The following DPYSL2 variants were observed in gnomAD, a reference collection of about 807,000 sequenced individuals.
The protein encoded by DPYSL2 is dihydropyrimidinase like 2.
DPYSL2 carries 13 observed loss-of-function variants against 69.9 expected under a neutral mutation model. The ratio of observed to expected loss-of-function variants is 0.19; its 90% confidence interval spans 0.12 to 0.30. The LOEUF is 0.30. Ranked by LOEUF, DPYSL2 falls within the 10% of genes least tolerant of loss-of-function variation. The pLI is 1.00. For synonymous variants in DPYSL2, 326 were observed against 359.1 expected (o/e 0.91, Z 1.04); for missense variants, 587 against 918.9 (o/e 0.64, Z 4.67).
chr8:26,635,016 C>T, intron 8 of DPYSL2, 116 bp downstream of exon 8: 2 of 1,425,486 alleles, frequency 1.4e-6, no homozygotes, highest in South Asian at 1.4e-5. Flanking sequence ...CCACTTGCAC[C>T]ATGTTCTGGC....
intron 1 of DPYSL2, among the ~76,000 whole-genome samples, chr8:26,524,393 T>C (rs2117603507): frequency 6.6e-6 from 1 of 152,312 alleles, no homozygotes; most frequent in East Asian, 1.9e-4. Flanking sequence ...GTAGATGACA[T>C]TGGTAAACAA....
At chr8:26,561,986 C>T (rs1801078738) in intron 1 of DPYSL2, among the ~76,000 whole-genome samples, 1 of 152,192 alleles carries the variant, frequency 6.6e-6, no homozygotes, top group South Asian at 2.1e-4. Flanking sequence ...AATCAATTTC[C>T]AAATCTAGAG....
At chr8:26,575,287 C>A (rs1801309411) in intron 1 of DPYSL2, among the ~76,000 whole-genome samples, 1 of 152,158 alleles carries the variant, frequency 6.6e-6, no homozygotes, top group Non-Finnish European at 1.5e-5. Context: ...CTGTGCCCAG[C>A]CTCTCATTTA....
At chr8:26,578,308 T>C (rs757920948) in intron 1 of DPYSL2, 2 of 1,614,044 alleles carry the variant, frequency 1.2e-6, no homozygotes. Flanking sequence ...GTTTGGTACT[T>C]GGGAAATCTG....
chr8:26,625,551 T>A (rs1460606218), intron 4 of DPYSL2, among the ~76,000 whole-genome samples: 2 of 152,162 alleles, frequency 1.3e-5, no homozygotes, highest in Admixed American at 1.3e-4. Context: ...AAAATTGTGA[T>A]GAATGTTGGG....
chr8:26,638,428 C>CAAGAGAATCT, intron 8 of DPYSL2, among the ~76,000 whole-genome samples: 1 of 152,316 alleles, frequency 6.6e-6, no homozygotes, highest in African/African-American at 2.4e-5. Flanking sequence ...CCAAGACCTG[C>CAAGAGAATCT]TGGTCCAGAA....
rs535045570 is a variant in DPYSL2 at position 26,645,439 on chromosome 8, CTATTTTGTAG to C, written c.1425+1350_1425+1359del. On this transcript the variant is annotated intron_variant, in intron 10 of 13. Coordinates refer to ENST00000521913, the MANE Select transcript of DPYSL2 (RefSeq NM_001197293.3). The stretch of plus-strand genomic sequence containing the variant: ...AATAATAATATTGGCATCATACATA[CTATTTTGTAG>C]TCTTTTTTAAAAAAAATTTTATCAT... Among the ~76,000 whole-genome samples the C allele has an allele frequency of 3.1e-4, 47 of 152,058 alleles. 1 individual carries two copies. In the Middle Eastern group the frequency reaches 0.017, roughly 55 times the overall value.
chr8:26,561,859 C>T (rs1399491046), intron 1 of DPYSL2, among the ~76,000 whole-genome samples: 1 of 152,190 alleles, frequency 6.6e-6, no homozygotes, highest in African/African-American at 2.4e-5. Flanking sequence ...GTAATGCTGG[C>T]TCACTTGCTG....
At chr8:26,566,080 T>C (rs1801144999) in intron 1 of DPYSL2, among the ~76,000 whole-genome samples, 2 of 152,168 alleles carry the variant, frequency 1.3e-5, no homozygotes. Context: ...CAGATAGACA[T>C]GGAAGGACCC....
intron 1 of DPYSL2, among the ~76,000 whole-genome samples, chr8:26,545,172 A>G (rs1278373772): frequency 6.6e-6 from 1 of 152,246 alleles, no homozygotes; most frequent in Non-Finnish European, 1.5e-5. Flanking sequence ...CCTAACCACC[A>G]TATGCAGAAC....
intron 1 of DPYSL2, among the ~76,000 whole-genome samples, chr8:26,577,594 C>A (rs1453919095): frequency 6.7e-6 from 1 of 149,850 alleles, no homozygotes; most frequent in African/African-American, 2.4e-5. Context: ...CCCGCCGTCT[C>A]GGGGTGCCGC....
intron 1 of DPYSL2, among the ~76,000 whole-genome samples, chr8:26,550,829 C>T (rs1237000365): frequency 6.6e-6 from 1 of 152,136 alleles, no homozygotes; most frequent in Non-Finnish European, 1.5e-5. Context: ...CAGGCTGAAC[C>T]AAAGGCCTGA....
At chr8:26,557,384 CA>C (rs1327380112) in intron 1 of DPYSL2, among the ~76,000 whole-genome samples, 3 of 151,842 alleles carry the variant, frequency 2.0e-5, no homozygotes, top group Admixed American at 2.0e-4. Flanking sequence ...AAAAGTGGGC[CA>C]AAGATCTTAA....
chr8:26,631,471 C>T (rs924534179), intron 7 of DPYSL2, among the ~76,000 whole-genome samples: 2 of 152,206 alleles, frequency 1.3e-5, no homozygotes, highest in Non-Finnish European at 1.5e-5. Context: ...CTACAGGTCC[C>T]TCCTTCAACA....
intron 8 of DPYSL2, among the ~76,000 whole-genome samples, chr8:26,635,259 A>G (rs1187688958): frequency 1.3e-5 from 2 of 152,184 alleles, no homozygotes; most frequent in African/African-American, 4.8e-5. Context: ...TGGTCACATC[A>G]TGCACCTCCC....
chr8:26,573,636 A>G (rs1801275840), intron 1 of DPYSL2, among the ~76,000 whole-genome samples: 2 of 143,458 alleles, frequency 1.4e-5, no homozygotes, highest in African/African-American at 5.2e-5. Context: ...CCACTGCACT[A>G]CAGCCTGGGG....
chr8:26,559,993 G>A (rs1347625172), intron 1 of DPYSL2, among the ~76,000 whole-genome samples: 1 of 152,142 alleles, frequency 6.6e-6, no homozygotes, highest in East Asian at 1.9e-4. Flanking sequence ...TCATTATGCT[G>A]AGCTGAAACA....
intron 3 of DPYSL2, among the ~76,000 whole-genome samples, chr8:26,599,414 C>G (rs1801941845): frequency 6.6e-6 from 1 of 152,146 alleles, no homozygotes; most frequent in African/African-American, 2.4e-5. Context: ...ATTAGCTTGG[C>G]TCTTTCTTCT....
chr8:26,641,125 A>G lies in DPYSL2; in HGVS notation c.1127-2314A>G, dbSNP rs945266388. Among the ~76,000 whole-genome samples, 1 of 152,144 alleles carries G rather than the reference A, an allele frequency of 6.6e-6. No homozygotes were observed. Among genetic ancestry groups the G allele is most frequent in the Non-Finnish European group, 1.5e-5 (1 of 68,036 alleles). ...AAGAACCAGCCCCTCCTTGTACTTA[A>G]GTTTCTAGAGGCAGGGCCGAGGAGC... On this transcript the variant is annotated intron_variant, in intron 8 of 13. Transcript: ENST00000521913. The surrounding 1 kb of genome is among the most constrained non-coding windows in gnomAD (Gnocchi z 4.1).
Sources: allele counts gnomAD v4.1 joint callset (sites outside exome capture counted in the v4.1 genomes callset), GRCh38; gene constraint gnomAD v4.1.1; non-coding constraint Gnocchi (gnomAD v3.1); transcripts MANE v1.5; gene names NCBI Gene and HGNC (gene_info 2026-07-23, HGNC 2026-07-21).